The following BLTP3A variants were observed in gnomAD, a reference collection of about 807,000 sequenced individuals.
The protein encoded by BLTP3A is ICBP90 binding protein 1.
At chr6:34,858,011 G>A in the BLTP3A span, 2 of 1,556,856 alleles carry the variant, frequency 1.3e-6, no homozygotes, top group African/African-American at 2.7e-5. Flanking sequence ...TCCATTTTGT[G>A]GAAGTAAGAA....
the BLTP3A span, among the ~76,000 whole-genome samples, chr6:34,838,697 A>G: frequency 6.6e-6 from 1 of 152,204 alleles, no homozygotes; most frequent in Non-Finnish European, 1.5e-5. Flanking sequence ...GCAATCTCAG[A>G]ACTTTGGAAG....
At chr6:34,870,838 GTCTT>G in the BLTP3A span, 1 of 1,611,956 alleles carries the variant, frequency 6.2e-7, no homozygotes. Flanking sequence ...TGTCTTCCTT[GTCTT>G]TCTTCACAAA....
chr6:34,875,446 C>T, the BLTP3A span: 1 of 152,160 alleles, frequency 6.6e-6, no homozygotes, highest in Non-Finnish European at 1.5e-5. Context: ...CCTCCCCTCA[C>T]CCACCATATA....
At chr6:34,842,604 G>A in the BLTP3A span, among the ~76,000 whole-genome samples, 1 of 152,096 alleles carries the variant, frequency 6.6e-6, no homozygotes, top group Non-Finnish European at 1.5e-5. Flanking sequence ...AGCACTTTGG[G>A]AGGCCGAGAT....
chr6:34,857,877 A>G, the BLTP3A span: 1 of 1,613,996 alleles, frequency 6.2e-7, no homozygotes, highest in Non-Finnish European at 8.5e-7. Flanking sequence ...AGTCAGAAAG[A>G]TGAACACTTG....
chr6:34,815,120 T>G, the BLTP3A span, among the ~76,000 whole-genome samples: 1 of 152,248 alleles, frequency 6.6e-6, no homozygotes, highest in Non-Finnish European at 1.5e-5. Flanking sequence ...TCAGATGTTA[T>G]GAAGACCCTT....
the BLTP3A span, among the ~76,000 whole-genome samples, chr6:34,798,871 G>C: frequency 3.3e-5 from 5 of 152,104 alleles, no homozygotes; most frequent in Admixed American, 6.6e-5. Flanking sequence ...TGTACATTAA[G>C]AGAAAGGAGG....
At chr6:34,875,335 A>AGG in the BLTP3A span, 1 of 152,214 alleles carries the variant, frequency 6.6e-6, no homozygotes, top group Non-Finnish European at 1.5e-5. Context: ...ATGTTCTTGA[A>AGG]GGGGGAGGAA....
At chr6:34,832,837 C>G in the BLTP3A span, among the ~76,000 whole-genome samples, 1 of 152,100 alleles carries the variant, frequency 6.6e-6, no homozygotes, top group Non-Finnish European at 1.5e-5. Flanking sequence ...GCTCTATTTT[C>G]TCTCTGGTTT....
chr6:34,832,592 C>T, the BLTP3A span, among the ~76,000 whole-genome samples: 45 of 151,962 alleles, frequency 3.0e-4, no homozygotes, highest in East Asian at 7.4e-3. Flanking sequence ...TGCACCACCA[C>T]GACCTGGCTA....
chr6:34,874,658 C>T, the BLTP3A span: 9 of 152,178 alleles, frequency 5.9e-5, no homozygotes, highest in Non-Finnish European at 1.2e-4. Flanking sequence ...AACTGATATG[C>T]CTGAACACTG....
chr6:34,799,051 C>T, the BLTP3A span, among the ~76,000 whole-genome samples: 1 of 152,078 alleles, frequency 6.6e-6, no homozygotes, highest in African/African-American at 2.4e-5. Context: ...CTGTGATCCT[C>T]CTGCCTCAGC....
At chr6:34,805,735 C>CAAAAAAAAA in the BLTP3A span, among the ~76,000 whole-genome samples, 3 of 73,724 alleles carry the variant, frequency 4.1e-5, no homozygotes, top group African/African-American at 5.0e-5. Context: ...GACCCTATCT[C>CAAAAAAAAA]AAAAAAAAAA....
the BLTP3A span, among the ~76,000 whole-genome samples, chr6:34,811,641 G>A: frequency 6.6e-6 from 1 of 151,532 alleles, no homozygotes; most frequent in Non-Finnish European, 1.5e-5. Flanking sequence ...CTTGAGGTCA[G>A]GAGTTCGAGA....
the BLTP3A span, chr6:34,857,293 G>A: frequency 6.2e-7 from 1 of 1,612,520 alleles, no homozygotes; most frequent in Non-Finnish European, 8.5e-7. Context: ...CTCTAAGTTT[G>A]ATTGTTGATA....
At chr6:34,816,930 G>A in the BLTP3A span, among the ~76,000 whole-genome samples, 1 of 152,104 alleles carries the variant, frequency 6.6e-6, no homozygotes, top group Non-Finnish European at 1.5e-5. Flanking sequence ...TGGCTTCCCT[G>A]GACCACTTAA....
the BLTP3A span, chr6:34,857,042 G>T: frequency 7.4e-7 from 1 of 1,345,754 alleles, no homozygotes; most frequent in Non-Finnish European, 1.0e-6. Flanking sequence ...TCACTTCTGG[G>T]AAGATTAATA....
At chr6:34,854,721 A>G in the BLTP3A span, among the ~76,000 whole-genome samples, 2 of 152,294 alleles carry the variant, frequency 1.3e-5, no homozygotes, top group African/African-American at 2.4e-5. Flanking sequence ...TTGGATGGAA[A>G]TGACCCTACT....
chr6:34,822,825 G>T, the BLTP3A span, among the ~76,000 whole-genome samples: 18 of 151,562 alleles, frequency 1.2e-4, no homozygotes, highest in African/African-American at 4.1e-4. Context: ...CTGCAGCCTG[G>T]GTGATAAGAG....
Sources: gnomAD v4.1 joint callset for allele counts (sites outside exome capture counted in the v4.1 genomes callset) on GRCh38, gnomAD v4.1.1 for gene constraint, MANE v1.5 for transcripts, NCBI Gene and HGNC (gene_info 2026-07-23, HGNC 2026-07-21) for gene names.